Variants in PMS1 observed in about 807,000 individuals in gnomAD.
PMS1 encodes PMS1 protein homolog 1.
PMS1 carries 79 observed loss-of-function variants against 93.1 expected under a neutral mutation model. That is an observed-to-expected ratio of 0.85 (90% CI 0.71 to 1.02). The LOEUF (loss-of-function observed/expected upper bound fraction) is 1.02. PMS1 is among the 50% of genes least tolerant of loss of function. The pLI, the probability that PMS1 is intolerant of heterozygous loss-of-function variation, is 0.00. For synonymous variants in PMS1, 335 were observed against 363.4 expected (o/e 0.92, Z 0.89); for missense variants, 1,064 against 1,085.3 (o/e 0.98, Z 0.28).
chr2:189,845,015 A>G (rs1213524011), intron 6 of PMS1, among the ~76,000 whole-genome samples: 1 of 151,606 alleles, frequency 6.6e-6, no homozygotes, highest in African/African-American at 2.4e-5. Context: ...ATGCCACCAC[A>G]CCCAGCTAAT....
At chr2:189,840,050 A>G (rs1021995902) in intron 5 of PMS1, among the ~76,000 whole-genome samples, 2 of 152,188 alleles carry the variant, frequency 1.3e-5, no homozygotes, top group African/African-American at 4.8e-5. Flanking sequence ...ATACACATTG[A>G]ACCTATACCT....
intron 5 of PMS1, among the ~76,000 whole-genome samples, chr2:189,839,434 G>C (rs181045551): frequency 3.3e-5 from 5 of 152,284 alleles, no homozygotes; most frequent in Non-Finnish European, 7.4e-5. Context: ...TTGCACGTAA[G>C]GGAAACTATA....
intron 5 of PMS1, among the ~76,000 whole-genome samples, chr2:189,839,485 C>T (rs577363885): frequency 3.8e-4 from 58 of 152,246 alleles, no homozygotes; most frequent in African/African-American, 1.3e-3. Context: ...GTGATTTAGC[C>T]CCTATCTGTC....
chr2:189,847,232 G>T (rs1260490892), intron 6 of PMS1, among the ~76,000 whole-genome samples: 1 of 152,008 alleles, frequency 6.6e-6, no homozygotes, highest in Non-Finnish European at 1.5e-5. Context: ...TTTATTATTT[G>T]TTTATTGTGC....
At chr2:189,836,919 A>C (rs912614962) in intron 5 of PMS1, among the ~76,000 whole-genome samples, 6 of 152,188 alleles carry the variant, frequency 3.9e-5, no homozygotes, top group African/African-American at 1.4e-4. Context: ...CAGGCAGTGA[A>C]ATAGCATCCT....
At chr2:189,852,565 T>G in intron 6 of PMS1, 90 bp from the exon 7 acceptor site, 1 of 1,162,720 alleles carries the variant, frequency 8.6e-7, no homozygotes, top group Non-Finnish European at 1.3e-6. Flanking sequence ...AATCTGTTTT[T>G]TAATTTTTTT....
intron 5 of PMS1, among the ~76,000 whole-genome samples, chr2:189,825,911 G>GT (rs1368378066): frequency 6.6e-6 from 1 of 152,164 alleles, no homozygotes; most frequent in Non-Finnish European, 1.5e-5. Context: ...GCTCCGAAGT[G>GT]TTGAATATCT....
At chr2:189,852,021 C>A (rs1343000257) in intron 6 of PMS1, among the ~76,000 whole-genome samples, 1 of 152,068 alleles carries the variant, frequency 6.6e-6, no homozygotes, top group Non-Finnish European at 1.5e-5. Flanking sequence ...TCTCTTTCTT[C>A]TTTATACATT....
intron 4 of PMS1, among the ~76,000 whole-genome samples, chr2:189,809,721 T>C (rs1279155644): frequency 6.6e-6 from 1 of 151,956 alleles, no homozygotes; most frequent in Non-Finnish European, 1.5e-5. Flanking sequence ...GGCGGGCACC[T>C]GTAATCCCAC....
At chr2:189,830,336 G>A (rs1383353126) in intron 5 of PMS1, among the ~76,000 whole-genome samples, 3 of 152,076 alleles carry the variant, frequency 2.0e-5, no homozygotes, top group African/African-American at 7.2e-5. Context: ...TGCGAGTCAT[G>A]CTTCCAGCTC....
chr2:189,840,479 T>C (rs1575214307), intron 5 of PMS1, among the ~76,000 whole-genome samples: 1 of 152,342 alleles, frequency 6.6e-6, no homozygotes, highest in East Asian at 1.9e-4. Flanking sequence ...ATGTAAAATA[T>C]ACAAGGAGGC....
chr2:189,786,990 C>T, intron 1 of PMS1, among the ~76,000 whole-genome samples: 1 of 151,988 alleles, frequency 6.6e-6, no homozygotes, highest in African/African-American at 2.4e-5. Context: ...GAGGTGGAGG[C>T]TGCAGTGAGC....
intron 5 of PMS1, among the ~76,000 whole-genome samples, chr2:189,825,642 A>G (rs1255448649): frequency 6.6e-6 from 1 of 152,178 alleles, no homozygotes; most frequent in Non-Finnish European, 1.5e-5. Flanking sequence ...TGTGGTTTTA[A>G]GAATTGTTTT....
Position 189,873,489 on chromosome 2 carries a change from C to G in PMS1, c.2474-7C>G. The G allele has an allele frequency of 6.4e-7, 1 of 1,570,112 alleles. No homozygotes were observed. The highest frequency in any genetic ancestry group is 8.8e-7 in the Non-Finnish European group (1 of 1,142,478). On this transcript the variant is annotated splice_polypyrimidine_tract_variant and splice_region_variant and intron_variant, in intron 11 of 12. Transcript: ENST00000441310. ...TTAACTATGTGTTTTTATTTTTTTT[C>G]TTTCAGGAGTTTCAATTACTGAAAA...
At chr2:189,790,743 G>T (rs1575017135) in intron 1 of PMS1, among the ~76,000 whole-genome samples, 1 of 152,296 alleles carries the variant, frequency 6.6e-6, no homozygotes, top group East Asian at 1.9e-4. Flanking sequence ...ATAAACGGCA[G>T]TATAGACTGG....
chr2:189,855,930 T>C, intron 9 of PMS1: 2 of 783,470 alleles, frequency 2.6e-6, no homozygotes, highest in East Asian at 1.1e-4. Flanking sequence ...TCTGAGTATC[T>C]CAATATTATG....
chr2:189,844,663 A>C (rs2054103123), intron 6 of PMS1, among the ~76,000 whole-genome samples: 2 of 147,090 alleles, frequency 1.4e-5, no homozygotes, highest in South Asian at 2.1e-4. Flanking sequence ...AAAAAAAAAA[A>C]CTGTTTTCCC....
intron 4 of PMS1, among the ~76,000 whole-genome samples, chr2:189,815,235 T>C (rs2051191969): frequency 6.6e-6 from 1 of 151,972 alleles, no homozygotes; most frequent in Admixed American, 6.6e-5. Context: ...AGGAAGGACA[T>C]CGGTAGGAGA....
intron 9 of PMS1, among the ~76,000 whole-genome samples, chr2:189,862,925 C>G (rs1033191717): frequency 1.3e-5 from 2 of 152,152 alleles, no homozygotes; most frequent in Non-Finnish European, 2.9e-5. Flanking sequence ...TGGGTTCCCA[C>G]ACATGGAATT....
Sources: allele counts gnomAD v4.1 joint callset (sites outside exome capture counted in the v4.1 genomes callset), GRCh38; gene constraint gnomAD v4.1.1; transcripts MANE v1.5; gene names NCBI Gene and HGNC (gene_info 2026-07-23, HGNC 2026-07-21).